Variants in KDM2B observed in about 807,000 individuals in gnomAD.
KDM2B encodes lysine demethylase 2B, also known as lysine-specific demethylase 2B.
In KDM2B, 26 loss-of-function variants were observed where a neutral mutation model predicts 150.0. The ratio of observed to expected loss-of-function variants is 0.17; its 90% CI spans 0.13 to 0.24. The LOEUF (loss-of-function observed/expected upper bound fraction) is 0.24. KDM2B is among the 10% of genes least tolerant of loss of function. The pLI is 1.00. For missense variants in KDM2B, 1,265 were observed against 1,816.9 expected, an observed-to-expected ratio of 0.70 and a Z score of 5.52; for synonymous variants, 734 against 729.5, an observed-to-expected ratio of 1.01 and a Z score of -0.10.
Position 121,474,998 on chromosome 12 carries a change from T to C in KDM2B, c.1734+19581A>G, listed in dbSNP as rs114954662. Among the ~76,000 whole-genome samples the C allele has an allele frequency of 8.0e-3, 1,224 of 152,196 alleles. 15 individuals are homozygous for C. The highest frequency in any genetic ancestry group is 0.025 in the African/African-American group (1,039 of 41,528). ...AAAATACCTACCATAGTGTTACAGT[T>C]GCCTACAGTATTCATACAGTAGCAT... is the stretch of plus-strand genomic sequence containing the variant. On this transcript the variant is annotated intron_variant, in intron 12 of 22. Coordinates refer to ENST00000377071, the MANE Select transcript of KDM2B (RefSeq NM_032590.5).
chr12:121,499,109 A>ATT, intron 11 of KDM2B, among the ~76,000 whole-genome samples: 1 of 106,448 alleles, frequency 9.4e-6, no homozygotes, highest in East Asian at 3.4e-4. Context: ...CCAGTCAATA[A>ATT]ATTTTTTTTT....
chr12:121,531,262 G>A (rs889760801), intron 8 of KDM2B, among the ~76,000 whole-genome samples: 5 of 152,106 alleles, frequency 3.3e-5, no homozygotes, highest in East Asian at 1.9e-4. Context: ...AGTCATCCCC[G>A]CACTAAACCC....
At chr12:121,532,762 C>T (rs569787702) in intron 8 of KDM2B, 44 bp downstream of exon 8, 9 of 1,604,882 alleles carry the variant, frequency 5.6e-6, no homozygotes, top group East Asian at 4.5e-5. Context: ...TGGCTCAGGC[C>T]GCAGGAGACT....
At chr12:121,526,301 C>A (rs1171238016) in intron 8 of KDM2B, among the ~76,000 whole-genome samples, 1 of 151,870 alleles carries the variant, frequency 6.6e-6, no homozygotes, top group Non-Finnish European at 1.5e-5. Context: ...TGCAGTGAGC[C>A]AATATTGTGC....
At chr12:121,502,059 G>A (rs950560425) in intron 11 of KDM2B, among the ~76,000 whole-genome samples, 6 of 152,266 alleles carry the variant, frequency 3.9e-5, no homozygotes, top group African/African-American at 1.4e-4. Context: ...ACGACCTCAA[G>A]AGAAAAAAGC....
intron 6 of KDM2B, among the ~76,000 whole-genome samples, chr12:121,542,244 C>T (rs114173510): frequency 6.6e-6 from 1 of 152,334 alleles, no homozygotes; most frequent in Non-Finnish European, 1.5e-5. Context: ...CCAACAGCCA[C>T]GGGGATGCAC....
the KDM2B span, among the ~76,000 whole-genome samples, chr12:121,421,388 A>C: frequency 4.1e-4 from 62 of 150,148 alleles, no homozygotes; most frequent in South Asian, 5.9e-3. Context: ...AAAAAAAAAA[A>C]AAAAAAAAAA....
At chr12:121,443,186 G>A (rs1267112697) in intron 17 of KDM2B, 156 bp from the exon 18 acceptor site, 4 of 686,148 alleles carry the variant, frequency 5.8e-6, no homozygotes, top group East Asian at 2.7e-5. Flanking sequence ...ACCGACAGAC[G>A]GGCGAGCCCT....
At chr12:121,530,542 C>A (rs1240231033) in intron 8 of KDM2B, among the ~76,000 whole-genome samples, 8 of 150,360 alleles carry the variant, frequency 5.3e-5, no homozygotes, top group African/African-American at 2.0e-4. Context: ...CCCTACCCCA[C>A]CCCTGTATCT....
chr12:121,422,120 A>G, the KDM2B span, among the ~76,000 whole-genome samples: 1 of 152,186 alleles, frequency 6.6e-6, no homozygotes, highest in African/African-American at 2.4e-5. Context: ...GCACAACGAT[A>G]ATGCCATTCC....
At chr12:121,417,968 A>G in the KDM2B span, 1 of 1,541,956 alleles carries the variant, frequency 6.5e-7, no homozygotes, top group Non-Finnish European at 8.8e-7. This position sits in a 1 kb window ranked among gnomAD's most constrained non-coding sequence, Gnocchi z 5.0. Context: ...TTGGCCGTAT[A>G]TGGTGGGGCC....
chr12:121,483,085 C>T (rs1555298198), intron 12 of KDM2B, among the ~76,000 whole-genome samples: 1 of 151,954 alleles, frequency 6.6e-6, no homozygotes, highest in Non-Finnish European at 1.5e-5. Flanking sequence ...ATCGCTTGAA[C>T]CCAGGAGGCA....
At chr12:121,493,059 CT>C (rs61628112) in intron 12 of KDM2B, among the ~76,000 whole-genome samples, 546 of 54,076 alleles carry the variant, frequency 0.01, 2 homozygotes, top group Non-Finnish European at 0.012. Flanking sequence ...TCATGCCTGG[CT>C]TTTTTTTTTT....
intron 4 of KDM2B, among the ~76,000 whole-genome samples, chr12:121,570,476 C>T (rs1022722350): frequency 2.0e-5 from 3 of 152,088 alleles, no homozygotes; most frequent in African/African-American, 4.8e-5. Context: ...TGTGAGCCAC[C>T]GCACCCAGCC....
At chr12:121,474,662 T>A (rs1881154166) in intron 12 of KDM2B, among the ~76,000 whole-genome samples, 1 of 152,036 alleles carries the variant, frequency 6.6e-6, no homozygotes, top group South Asian at 2.1e-4. Flanking sequence ...TATGCTTAGA[T>A]ACAAAAATAG....
At chr12:121,425,603 A>T (rs1433775645), downstream of KDM2B, among the ~76,000 whole-genome samples, 1 of 152,178 alleles carries the variant, frequency 6.6e-6, no homozygotes, top group African/African-American at 2.4e-5. Flanking sequence ...CTAATAGTAA[A>T]GAAAAAAATT....
chr12:121,460,581 C>CT (rs1434946007), intron 12 of KDM2B, among the ~76,000 whole-genome samples: 36 of 151,994 alleles, frequency 2.4e-4, no homozygotes, highest in Middle Eastern at 6.8e-3. Flanking sequence ...TTTTCTTTTT[C>CT]TTTTTTTTGA....
At chr12:121,560,640 G>T (rs958090481) in intron 4 of KDM2B, among the ~76,000 whole-genome samples, 31 of 152,020 alleles carry the variant, frequency 2.0e-4, no homozygotes, top group African/African-American at 7.2e-4. Context: ...GCAGGGGCAG[G>T]GGCAGTGGGG....
chr12:121,524,797 A>C, intron 8 of KDM2B: 1 of 401,756 alleles, frequency 2.5e-6, no homozygotes, highest in Non-Finnish European at 5.0e-6. Flanking sequence ...CGACAATATG[A>C]AGGCAATAAA....
Sources: gnomAD v4.1 joint callset for allele counts (sites outside exome capture counted in the v4.1 genomes callset) on GRCh38, gnomAD v4.1.1 for gene constraint, Gnocchi (gnomAD v3.1) non-coding constraint, MANE v1.5 for transcripts, NCBI Gene and HGNC (gene_info 2026-07-23, HGNC 2026-07-21) for gene names.